The following PAPPA2 variants were observed in gnomAD, a reference collection of about 807,000 sequenced individuals.
PAPPA2 encodes the protein pappalysin 2, also known as pappalysin-2.
In PAPPA2, 86 loss-of-function variants were observed where a neutral mutation model predicts 176.4. The ratio of observed to expected loss-of-function variants is 0.49; its 90% CI spans 0.41 to 0.58. The LOEUF (loss-of-function observed/expected upper bound fraction) is 0.58, where lower values mean the gene tolerates loss of function less well. Ranked by LOEUF, PAPPA2 falls within the 20% of genes least tolerant of loss-of-function variation. The pLI, the probability that PAPPA2 is intolerant of heterozygous loss-of-function variation, is 0.00. For synonymous variants in PAPPA2, 809 were observed against 852.2 expected (o/e 0.95, Z 0.88); for missense variants, 2,073 against 2,256.9 (o/e 0.92, Z 1.65).
intron 21 of PAPPA2, among the ~76,000 whole-genome samples, chr1:176,809,409 A>G (rs148714430): frequency 1.1e-4 from 16 of 152,286 alleles, no homozygotes; most frequent in African/African-American, 3.4e-4. Flanking sequence ...GTTGATACCA[A>G]CAATGGTTCC....
chr1:176,735,261 G>A (rs1662344239), intron 12 of PAPPA2, among the ~76,000 whole-genome samples: 1 of 152,108 alleles, frequency 6.6e-6, no homozygotes, highest in Non-Finnish European at 1.5e-5. Flanking sequence ...GGTGATGCCT[G>A]CCTACTTTTC....
In PAPPA2 at chr1:176,706,463, G is replaced by A. The variant is rs1208286091; in HGVS notation, c.3457+13G>A. 7 of 1,609,056 alleles carry A rather than the reference G, an allele frequency of 4.4e-6. No individual in the cohort carries two copies. The highest frequency in any genetic ancestry group is 5.1e-6 in the Non-Finnish European group (6 of 1,175,880). On this transcript the variant is annotated intron_variant, in intron 10 of 22. Coordinates refer to ENST00000367662, the MANE Select transcript of PAPPA2 (RefSeq NM_020318.3). ...TTCAACTGTGTAGGTAAGTTCAAGAGTTTCAGTCTAAGATTGTGTCCTACT... is the reference window on the plus strand; with the variant it reads ...TTCAACTGTGTAGGTAAGTTCAAGAATTTCAGTCTAAGATTGTGTCCTACT...
chr1:176,723,107 G>C (rs1331772985), intron 12 of PAPPA2, among the ~76,000 whole-genome samples: 1 of 152,200 alleles, frequency 6.6e-6, no homozygotes, highest in Non-Finnish European at 1.5e-5. Context: ...TAGGGCAAAA[G>C]AGAGCATGTG....
At chr1:176,690,529 G>A (rs1660070110) in intron 5 of PAPPA2, 99 bp downstream of exon 5, 1 of 1,529,280 alleles carries the variant, frequency 6.5e-7, no homozygotes, top group Admixed American at 2.1e-5. Context: ...GAATGATTAA[G>A]TGGTCATTTG....
chr1:176,541,678 G>C (rs1391326631), intron 1 of PAPPA2, among the ~76,000 whole-genome samples: 1 of 152,096 alleles, frequency 6.6e-6, no homozygotes, highest in African/African-American at 2.4e-5. Flanking sequence ...TTCCATTTTT[G>C]ATATAAACAC....
intron 3 of PAPPA2, among the ~76,000 whole-genome samples, chr1:176,669,187 C>T (rs1236172278): frequency 6.6e-6 from 1 of 152,120 alleles, no homozygotes; most frequent in African/African-American, 2.4e-5. Context: ...AATTGGAACC[C>T]AAGAATAGCA....
intron 6 of PAPPA2, among the ~76,000 whole-genome samples, chr1:176,693,327 G>GA (rs769359234): frequency 6.6e-6 from 1 of 152,254 alleles, no homozygotes; most frequent in Non-Finnish European, 1.5e-5. Context: ...GAGGCATAGA[G>GA]AAACATACAA....
rs1019828142 is a variant in PAPPA2 at position 176,576,875 on chromosome 1, T to C, written c.920-17649T>C. Among the ~76,000 whole-genome samples, 3 of 152,134 alleles carry C rather than the reference T, an allele frequency of 2.0e-5. No homozygotes were observed. The East Asian group carries it at 5.8e-4, about 29-fold the overall frequency. On this transcript the variant is annotated intron_variant, in intron 2 of 22. Coordinates refer to ENST00000367662, the MANE Select transcript of PAPPA2 (RefSeq NM_020318.3). ...CAGCTTGACTTCTGACAGGTGCTGC[T>C]GATTTTAGATAGTGTAGAAAATGTT...
intron 12 of PAPPA2, among the ~76,000 whole-genome samples, chr1:176,726,716 T>G (rs189275753): frequency 1.3e-5 from 2 of 152,288 alleles, no homozygotes; most frequent in Non-Finnish European, 2.9e-5. Flanking sequence ...GAATTTGTGA[T>G]TATCTTTGTT....
chr1:176,634,833 GATA>G, intron 3 of PAPPA2, among the ~76,000 whole-genome samples: 1 of 142,670 alleles, frequency 7.0e-6, no homozygotes, highest in East Asian at 2.0e-4. Flanking sequence ...TAGATAGATA[GATA>G]GATAGATAGA....
chr1:176,715,571 G>A (rs1224415565), intron 12 of PAPPA2, among the ~76,000 whole-genome samples: 6 of 152,188 alleles, frequency 3.9e-5, no homozygotes, highest in African/African-American at 9.6e-5. Flanking sequence ...ACTTCCTGGG[G>A]AGCCACGTGT....
At chr1:176,705,541 G>A (rs1305729181) in intron 9 of PAPPA2, among the ~76,000 whole-genome samples, 1 of 152,078 alleles carries the variant, frequency 6.6e-6, no homozygotes, top group Non-Finnish European at 1.5e-5. Flanking sequence ...GAAAAAAATG[G>A]TAGTCCTCAT....
intron 2 of PAPPA2, among the ~76,000 whole-genome samples, chr1:176,584,365 C>T (rs562005661): frequency 1.1e-4 from 16 of 150,862 alleles, no homozygotes; most frequent in Admixed American, 5.9e-4. Flanking sequence ...ATCCTCTTGC[C>T]GAATTGATCC....
chr1:176,595,270 G>A lies in PAPPA2; in HGVS notation c.1666G>A (p.Glu556Lys), dbSNP rs1653906208. The A allele has an allele frequency of 6.2e-7, 1 of 1,614,108 alleles. No individual in the cohort carries two copies. Among genetic ancestry groups the A allele is most frequent in the Admixed American group, 1.7e-5 (1 of 60,008 alleles). Reference sequence around the variant, plus strand: ...TCGTCTGCAGCACGAGGCACTGAATGAGGCCTTCAGCCGCTACAACATCAG... The same window carrying A: ...TCGTCTGCAGCACGAGGCACTGAATAAGGCCTTCAGCCGCTACAACATCAG... ...QIRLQHEALN[E>K]AFSRYNISWQ... The change falls in exon 3 of 23, where the codon GAG (glutamate) becomes AAG (lysine). Residue 556 changes from glutamate to lysine, a missense_variant. Coordinates refer to ENST00000367662, the MANE Select transcript of PAPPA2 (RefSeq NM_020318.3).
At chr1:176,725,220 G>GT (rs1229411836) in intron 12 of PAPPA2, among the ~76,000 whole-genome samples, 2 of 152,078 alleles carry the variant, frequency 1.3e-5, no homozygotes, top group Admixed American at 1.3e-4. Flanking sequence ...CATGTTTAAA[G>GT]TTTTTTTAAC....
intron 12 of PAPPA2, among the ~76,000 whole-genome samples, chr1:176,717,389 A>G (rs1661425702): frequency 6.6e-6 from 1 of 152,198 alleles, no homozygotes; most frequent in African/African-American, 2.4e-5. Flanking sequence ...AAGTTACCCT[A>G]TATAGTTCCG....
intron 3 of PAPPA2, among the ~76,000 whole-genome samples, chr1:176,626,349 T>G (rs990664970): frequency 1.3e-4 from 20 of 152,236 alleles, no homozygotes; most frequent in African/African-American, 4.8e-4. Flanking sequence ...TATTTATTTG[T>G]GTGTCACTTG....
chr1:176,805,358 C>G (rs1665857770), intron 21 of PAPPA2, among the ~76,000 whole-genome samples: 1 of 152,168 alleles, frequency 6.6e-6, no homozygotes, highest in South Asian at 2.1e-4. Flanking sequence ...TCATCCTATT[C>G]TTTCCAGCAG....
intron 3 of PAPPA2, among the ~76,000 whole-genome samples, chr1:176,629,452 A>T (rs1656222741): frequency 6.6e-6 from 1 of 152,162 alleles, no homozygotes; most frequent in South Asian, 2.1e-4. Context: ...AGAGCCTCAG[A>T]TACCAAGACA....
Sources: gnomAD v4.1 joint callset for allele counts (sites outside exome capture counted in the v4.1 genomes callset) on GRCh38, gnomAD v4.1.1 for gene constraint, MANE v1.5 for transcripts, NCBI Gene and HGNC (gene_info 2026-07-23, HGNC 2026-07-21) for gene names.